SPOCK1: variants seen among roughly 807,000 people sequenced by gnomAD.
SPOCK1 encodes testican-1.
Under a neutral mutation model 55.3 loss-of-function variants are expected in SPOCK1, and 23 were observed. The observed-to-expected ratio is 0.42, with a 90% confidence interval of 0.30 to 0.59. The LOEUF (loss-of-function observed/expected upper bound fraction) is 0.59, where lower values mean the gene tolerates loss of function less well. SPOCK1 is among the 20% of genes least tolerant of loss of function. SPOCK1 has a pLI of 0.22. For missense variants in SPOCK1, 499 were observed against 552.5 expected, an observed-to-expected ratio of 0.90 and a Z score of 0.97; for synonymous variants, 226 against 221.0, an observed-to-expected ratio of 1.02 and a Z score of -0.20.
At chr5:137,168,958 G>A (rs1055482555) in intron 3 of SPOCK1, among the ~76,000 whole-genome samples, 2 of 152,080 alleles carry the variant, frequency 1.3e-5, no homozygotes, top group Admixed American at 6.6e-5. Flanking sequence ...AGTGTCTATC[G>A]ACAGATGAAT....
chr5:137,455,960 C>A (rs1313462508), intron 2 of SPOCK1, among the ~76,000 whole-genome samples: 1 of 151,908 alleles, frequency 6.6e-6, no homozygotes, highest in African/African-American at 2.4e-5. Context: ...CCCAAGGATC[C>A]AAGGGTACAG....
At chr5:137,370,908 T>C (rs1751187886) in intron 2 of SPOCK1, among the ~76,000 whole-genome samples, 1 of 152,198 alleles carries the variant, frequency 6.6e-6, no homozygotes, top group Non-Finnish European at 1.5e-5. Context: ...GTATAAAATC[T>C]GCCTGTCTGA....
chr5:137,423,184 A>T (rs1752538623), intron 2 of SPOCK1, among the ~76,000 whole-genome samples: 1 of 152,214 alleles, frequency 6.6e-6, no homozygotes, highest in South Asian at 2.1e-4. Flanking sequence ...GTGAGGTGTC[A>T]GTCTGCCCCT....
intron 1 of SPOCK1, 121 bp downstream of exon 1, chr5:137,499,058 C>G (rs922214861): frequency 6.6e-6 from 1 of 152,246 alleles, no homozygotes; most frequent in Non-Finnish European, 1.5e-5. Context: ...GCCCTGAGGT[C>G]TCGGGGGTAA....
intron 9 of SPOCK1, among the ~76,000 whole-genome samples, chr5:136,979,675 T>C (rs1211522138): frequency 6.6e-6 from 1 of 152,164 alleles, no homozygotes; most frequent in African/African-American, 2.4e-5. Flanking sequence ...AGGATGTCAG[T>C]GTTTAAACGG....
chr5:137,392,168 G>C (rs926577403), intron 2 of SPOCK1, among the ~76,000 whole-genome samples: 3 of 152,014 alleles, frequency 2.0e-5, no homozygotes, highest in Admixed American at 1.3e-4. Context: ...TCAACTCTCT[G>C]TTTCTAAGTG....
intron 3 of SPOCK1, among the ~76,000 whole-genome samples, chr5:137,262,247 T>C (rs1756755246): frequency 1.3e-5 from 2 of 152,200 alleles, no homozygotes; most frequent in African/African-American, 4.8e-5. Flanking sequence ...GTCATCTCAC[T>C]TAAAGGCAAA....
At chr5:137,459,276 C>T (rs1312488983) in intron 2 of SPOCK1, among the ~76,000 whole-genome samples, 1 of 152,108 alleles carries the variant, frequency 6.6e-6, no homozygotes, top group Non-Finnish European at 1.5e-5. Context: ...ATGCCAGAAG[C>T]AACAAAGCAG....
intron 2 of SPOCK1, among the ~76,000 whole-genome samples, chr5:137,364,592 C>T (rs1751016664): frequency 6.6e-6 from 1 of 152,154 alleles, no homozygotes; most frequent in South Asian, 2.1e-4. Context: ...CTATAGCTTC[C>T]CCACCTAAGA....
chr5:137,165,907 A>C (rs913652917), intron 3 of SPOCK1, among the ~76,000 whole-genome samples: 1 of 152,162 alleles, frequency 6.6e-6, no homozygotes, highest in African/African-American at 2.4e-5. Context: ...GCTCACATAA[A>C]AGATCTAAAA....
chr5:137,302,213 G>A (rs1013424832), intron 2 of SPOCK1, among the ~76,000 whole-genome samples: 1 of 152,188 alleles, frequency 6.6e-6, no homozygotes, highest in African/African-American at 2.4e-5. Context: ...AATTGTAGGA[G>A]AACATGCATA....
At chr5:137,348,154 T>G (rs1019769904) in intron 2 of SPOCK1, among the ~76,000 whole-genome samples, 2 of 152,166 alleles carry the variant, frequency 1.3e-5, no homozygotes, top group Non-Finnish European at 2.9e-5. Flanking sequence ...TGGTACATGT[T>G]GGCACTAAGT....
chr5:137,035,888 A>C (rs978029585), intron 6 of SPOCK1, among the ~76,000 whole-genome samples: 3 of 152,322 alleles, frequency 2.0e-5, no homozygotes, highest in African/African-American at 4.8e-5. Flanking sequence ...CTCTCTGTTC[A>C]GACTCCTTCT....
chr5:137,083,765 C>A (rs965286935), intron 5 of SPOCK1, among the ~76,000 whole-genome samples: 1 of 152,084 alleles, frequency 6.6e-6, no homozygotes, highest in Non-Finnish European at 1.5e-5. Flanking sequence ...GCCCCCAATA[C>A]CCAGCCTATG....
intron 4 of SPOCK1, among the ~76,000 whole-genome samples, chr5:137,139,557 C>T (rs773702322): frequency 8.6e-5 from 13 of 152,012 alleles, no homozygotes; most frequent in Non-Finnish European, 1.6e-4. Context: ...CAAAAGTTCT[C>T]GGTGGGGAGC....
intron 3 of SPOCK1, among the ~76,000 whole-genome samples, chr5:137,184,442 C>T (rs981503168): frequency 1.3e-5 from 2 of 152,182 alleles, no homozygotes; most frequent in African/African-American, 4.8e-5. Context: ...GTCCCATCAG[C>T]TCCTGGAATC....
At chr5:137,014,424 G>T (rs544887611) in intron 6 of SPOCK1, among the ~76,000 whole-genome samples, 2 of 152,220 alleles carry the variant, frequency 1.3e-5, no homozygotes, top group Admixed American at 6.5e-5. Context: ...TTGGCCATGT[G>T]GTCCCAAGTA....
At chr5:137,016,516 A>C (rs534626346) in intron 6 of SPOCK1, among the ~76,000 whole-genome samples, 2 of 152,302 alleles carry the variant, frequency 1.3e-5, no homozygotes, top group African/African-American at 4.8e-5. Context: ...CCAAACAATA[A>C]ATTTTCTGTG....
At chr5:137,030,714 A>G (rs1456208783) in intron 6 of SPOCK1, among the ~76,000 whole-genome samples, 1 of 152,206 alleles carries the variant, frequency 6.6e-6, no homozygotes, top group Non-Finnish European at 1.5e-5. Flanking sequence ...ACCTAAAGTT[A>G]TCTATACTTT....
Sources: allele counts gnomAD v4.1 joint callset (sites outside exome capture counted in the v4.1 genomes callset), GRCh38; gene constraint gnomAD v4.1.1; transcripts MANE v1.5; gene names NCBI Gene and HGNC (gene_info 2026-07-23, HGNC 2026-07-21).